The following SUCLG2 variants were observed in gnomAD, a reference collection of about 807,000 sequenced individuals.
SUCLG2 encodes succinate--CoA ligase [GDP-forming] subunit beta, mitochondrial.
Under a neutral mutation model 47.9 loss-of-function variants are expected in SUCLG2, and 42 were observed. The ratio of observed to expected loss-of-function variants is 0.88; its 90% CI spans 0.69 to 1.14. The LOEUF (loss-of-function observed/expected upper bound fraction) is 1.14, where lower values mean the gene tolerates loss of function less well. SUCLG2 is among the 50% of genes most tolerant of loss of function. The probability of loss-of-function intolerance (pLI) is 0.00; values close to 1 mark genes in which losing one functional copy is unlikely to be tolerated. For missense variants in SUCLG2, 571 were observed against 525.9 expected, an observed-to-expected ratio of 1.09 and a Z score of -0.84; for synonymous variants, 195 against 197.3, an observed-to-expected ratio of 0.99 and a Z score of 0.10.
At chr3:67,637,286 T>A (rs1701026605) in intron 1 of SUCLG2, among the ~76,000 whole-genome samples, 1 of 152,208 alleles carries the variant, frequency 6.6e-6, no homozygotes, top group Admixed American at 6.5e-5. Context: ...GTATATGAAC[T>A]GCCTCTAATT....
intron 6 of SUCLG2, among the ~76,000 whole-genome samples, chr3:67,517,016 G>C (rs1475210175): frequency 1.3e-5 from 2 of 152,196 alleles, no homozygotes; most frequent in Non-Finnish European, 2.9e-5. Flanking sequence ...CCTTTCAACA[G>C]ATCACTTTCC....
intron 10 of SUCLG2, among the ~76,000 whole-genome samples, chr3:67,367,204 AG>A (rs1245901509): frequency 3.3e-5 from 5 of 152,198 alleles, no homozygotes; most frequent in African/African-American, 1.2e-4. Context: ...AAACTGAGTG[AG>A]ATTTTTAAAT....
chr3:67,578,002 A>C (rs1447504509), intron 2 of SUCLG2, among the ~76,000 whole-genome samples: 1 of 152,076 alleles, frequency 6.6e-6, no homozygotes, highest in Non-Finnish European at 1.5e-5. Context: ...TGGTGAGAGC[A>C]GGTGAAGTAA....
chr3:67,380,587 T>C (rs1702135962), intron 10 of SUCLG2, among the ~76,000 whole-genome samples: 1 of 152,172 alleles, frequency 6.6e-6, no homozygotes, highest in Non-Finnish European at 1.5e-5. Context: ...TTTGAAGGGA[T>C]TCTCATATTC....
intron 9 of SUCLG2, among the ~76,000 whole-genome samples, chr3:67,451,287 G>C (rs951029304): frequency 6.6e-6 from 1 of 152,140 alleles, no homozygotes; most frequent in Non-Finnish European, 1.5e-5. Context: ...TCCTCCATGA[G>C]ACATGCTCAA....
intron 2 of SUCLG2, among the ~76,000 whole-genome samples, chr3:67,549,078 T>C (rs886988571): frequency 3.3e-5 from 5 of 152,224 alleles, no homozygotes; most frequent in African/African-American, 1.2e-4. Flanking sequence ...ATAGTAATGA[T>C]GTTGTGTAAG....
chr3:67,476,361 T>C (rs1193454061), intron 9 of SUCLG2, among the ~76,000 whole-genome samples: 1 of 151,956 alleles, frequency 6.6e-6, no homozygotes, highest in Non-Finnish European at 1.5e-5. Context: ...ATGATCCCTA[T>C]TGTGAACTGT....
At chr3:67,512,637 T>A (rs1705827733) in intron 6 of SUCLG2, among the ~76,000 whole-genome samples, 1 of 151,156 alleles carries the variant, frequency 6.6e-6, no homozygotes, top group Non-Finnish European at 1.5e-5. Context: ...TGATAAAATA[T>A]ACAAAACATA....
At chr3:67,577,460 G>A (rs1480292736) in intron 2 of SUCLG2, among the ~76,000 whole-genome samples, 2 of 152,268 alleles carry the variant, frequency 1.3e-5, no homozygotes, top group East Asian at 1.9e-4. Flanking sequence ...GAAAAAAAAC[G>A]AATTGCACTA....
chr3:67,648,236 T>C (rs571286895), intron 1 of SUCLG2, among the ~76,000 whole-genome samples: 42 of 152,248 alleles, frequency 2.8e-4, no homozygotes, highest in Non-Finnish European at 4.0e-4. Context: ...CTCCGTTGAA[T>C]TTGAACCCAG....
intron 9 of SUCLG2, among the ~76,000 whole-genome samples, chr3:67,457,684 CTTTTTTTT>C (rs71109889): frequency 1.1e-4 from 7 of 65,510 alleles, no homozygotes; most frequent in African/African-American, 2.3e-4. Context: ...ACAAAAGCAG[CTTTTTTTT>C]TTTTTTTTTT....
chr3:67,609,402 T>G (rs1700487753), intron 2 of SUCLG2, 53 bp downstream of exon 2: 1 of 1,577,360 alleles, frequency 6.3e-7, no homozygotes, highest in Admixed American at 1.8e-5. Flanking sequence ...AGCCACTACC[T>G]GTGAATTCAC....
intron 9 of SUCLG2, 103 bp downstream of exon 9, chr3:67,495,695 G>T: frequency 8.7e-6 from 11 of 1,262,234 alleles, no homozygotes; most frequent in Non-Finnish European, 1.0e-5. Flanking sequence ...GGGCTGCAGA[G>T]TACACATATT....
In SUCLG2 at chr3:67,523,212, G is replaced by C. The variant is rs147222887; in HGVS notation, c.418-2578C>G. ...TTAAGTTTTAGGTCACATGAAATGG[G>C]ATAAATATATAATGATCTAAAAAGC... is the stretch of plus-strand genomic sequence containing the variant. On this transcript the variant is annotated intron_variant, in intron 4 of 10. Coordinates refer to ENST00000307227, the MANE Select transcript of SUCLG2 (RefSeq NM_003848.4). 8.6e-3 allele frequency among the ~76,000 whole-genome samples: 1,310 copies of C among 152,198 alleles called. 14 individuals are homozygous for C. The highest frequency in any genetic ancestry group is 0.03 in the African/African-American group (1,239 of 41,544).
chr3:67,417,004 G>A lies in SUCLG2; in HGVS notation c.1063-16153C>T, dbSNP rs142754860. Among the ~76,000 whole-genome samples the A allele has an allele frequency of 6.0e-3, 913 of 151,864 alleles. 6 individuals carry two copies. The highest frequency in any genetic ancestry group is 0.01 in the Non-Finnish European group (692 of 67,952). ...TACCATTCAAAAGTGGAGGTCTTGT[G>A]AAGTGAAGAAAAAAAAGATGAAGAA... On this transcript the variant is annotated intron_variant, in intron 9 of 10. Transcript: ENST00000307227.
At chr3:67,650,812 G>C (rs1701273100) in intron 1 of SUCLG2, among the ~76,000 whole-genome samples, 1 of 152,146 alleles carries the variant, frequency 6.6e-6, no homozygotes, top group Admixed American at 6.5e-5. Flanking sequence ...CTACAAGAGA[G>C]CTCCATGAAC....
At chr3:67,576,199 T>C (rs1312795279) in intron 2 of SUCLG2, among the ~76,000 whole-genome samples, 1 of 152,186 alleles carries the variant, frequency 6.6e-6, no homozygotes. Context: ...AGCAAACAGA[T>C]AACACAGGTC....
At position 67,556,164 on chromosome 3, in the gene SUCLG2, G is replaced by C. The variant is rs113404219; in HGVS notation, c.227-26978C>G. On this transcript the variant is annotated intron_variant, in intron 2 of 10. Transcript: ENST00000307227. ...GTTCCAGAGTAGAAGAGATCCAATA[G>C]ACATGATAACTAAATGTGACATGTG... Among the ~76,000 whole-genome samples the C allele has an allele frequency of 4.6e-5, 7 of 152,284 alleles. 1 individual carries two copies. Among genetic ancestry groups the C allele is most frequent in the South Asian group, 2.1e-4 (1 of 4,824 alleles).
chr3:67,614,249 T>C (rs750544512), intron 1 of SUCLG2, among the ~76,000 whole-genome samples: 8 of 152,064 alleles, frequency 5.3e-5, no homozygotes, highest in Non-Finnish European at 1.2e-4. Flanking sequence ...TTCCACAGGC[T>C]CTTCTGCCTA....
Sources: gnomAD v4.1 joint callset for allele counts (sites outside exome capture counted in the v4.1 genomes callset) on GRCh38, gnomAD v4.1.1 for gene constraint, MANE v1.5 for transcripts, NCBI Gene and HGNC (gene_info 2026-07-23, HGNC 2026-07-21) for gene names.